The following PRKACA variants were observed in gnomAD, a reference collection of about 807,000 sequenced individuals.
PRKACA encodes the protein cAMP-dependent protein kinase catalytic subunit alpha.
PRKACA carries 9 observed loss-of-function variants against 45.8 expected under a neutral mutation model. The observed-to-expected ratio is 0.20, with a 90% CI of 0.12 to 0.34. PRKACA has a LOEUF of 0.34. Among genes scored for constraint, PRKACA ranks in the 10% least tolerant of loss-of-function variants. The pLI, the probability that PRKACA is intolerant of heterozygous loss-of-function variation, is 1.00. For missense variants in PRKACA, 238 were observed against 458.6 expected (o/e 0.52, Z 4.39); for synonymous variants, 160 against 178.6 (o/e 0.90, Z 0.83).
rs757565596 is a variant in PRKACA at position 14,106,798 on chromosome 19, C to G, written c.199G>C (p.Gly67Arg). ...AGGATCTTCATGGCATAGTGGTTCCCGGTCTCCTTGTGTTTCACCAGCATC... is the reference window on the plus strand; with the variant it reads ...AGGATCTTCATGGCATAGTGGTTCCGGGTCTCCTTGTGTTTCACCAGCATC... Reference protein sequence around the residue: ...RVMLVKHKETGNHYAMKILDK... With the variant: ...RVMLVKHKETRNHYAMKILDK... The change falls in exon 3 of 10, where the codon GGG becomes CGG. Residue 67 changes from glycine (G) to arginine (R), a missense_variant. Physicochemically the swap from Gly to Arg is moderately radical, Grantham distance 125. Coordinates refer to ENST00000308677, the MANE Select transcript of PRKACA (RefSeq NM_002730.4). 159 of 1,614,076 alleles carry G rather than the reference C, an allele frequency of 9.9e-5. No homozygotes were observed. The highest frequency in any genetic ancestry group is 1.3e-4 in the Non-Finnish European group (152 of 1,180,034).
intron 1 of PRKACA, chr19:14,114,319 TG>T: frequency 1.1e-5 from 10 of 873,300 alleles, no homozygotes; most frequent in Non-Finnish European, 1.8e-5. Flanking sequence ...GGCCACTGGG[TG>T]TGGAGGAGGG....
chr19:14,099,442 C>CTT (rs879512820), intron 5 of PRKACA, among the ~76,000 whole-genome samples: 1 of 143,052 alleles, frequency 7.0e-6, no homozygotes. Context: ...CTTATGCAGT[C>CTT]TTTTTTTTTT....
intron 1 of PRKACA, chr19:14,108,214 C>G: frequency 2.1e-6 from 2 of 941,120 alleles, no homozygotes; most frequent in Non-Finnish European, 2.5e-6. Context: ...AGCCTGGTCT[C>G]TGATGAACTC....
At chr19:14,094,241 T>G (rs1467909320) in intron 8 of PRKACA, among the ~76,000 whole-genome samples, 3 of 140,696 alleles carry the variant, frequency 2.1e-5, no homozygotes, top group Non-Finnish European at 4.5e-5. Context: ...CAGGCTGGAG[T>G]GCAGTGGTGC....
rs760352897 is a variant in PRKACA at position 14,097,287 on chromosome 19, C to G, written c.765+74G>C. On this transcript the variant is annotated intron_variant, in intron 8 of 9. Coordinates refer to ENST00000308677, the MANE Select transcript of PRKACA (RefSeq NM_002730.4). The surrounding 1 kb of genome is among the most constrained non-coding windows in gnomAD (Gnocchi z 5.4). ...GATTATTCTGACAACAAGCAGGGCTCCCCAGGGAATAGGATGGGTGAGCAG... is the reference window on the plus strand; with the variant it reads ...GATTATTCTGACAACAAGCAGGGCTGCCCAGGGAATAGGATGGGTGAGCAG... The G allele has an allele frequency of 7.5e-6, 12 of 1,605,036 alleles. No individual in the cohort carries two copies. Among genetic ancestry groups the G allele is most frequent in the Non-Finnish European group, 1.7e-6 (2 of 1,173,206 alleles).
chr19:14,117,057 C>T (rs1279084589), intron 1 of PRKACA, among the ~76,000 whole-genome samples: 1 of 151,812 alleles, frequency 6.6e-6, no homozygotes, highest in Non-Finnish European at 1.5e-5. Context: ...GGCCAAGGTC[C>T]CTGCGCGGTG....
At position 14,092,744 on chromosome 19, in the gene PRKACA, A is replaced by C; in HGVS notation, c.*368T>G. On this transcript the variant is annotated 3_prime_UTR_variant, in exon 10 of 10. Coordinates refer to ENST00000308677, the MANE Select transcript of PRKACA (RefSeq NM_002730.4). ...TGGGTGGGGGCTGGAGTTAAGCGTG[A>C]GCCCCTCTTTCCATACCCTGTCCCT... is the stretch of plus-strand genomic sequence containing the variant. 2.4e-6 allele frequency: 1 copy of C among 409,340 alleles called. No individual in the cohort carries two copies. The allele number at this position is 409,340 out of a possible 1,614,324, so 25.4% of individuals were successfully genotyped here. A position where few individuals can be genotyped will look rare whatever the true frequency, so the allele number is the denominator to read the frequency against.
chr19:14,104,770 G>A (rs1977555890), intron 3 of PRKACA, among the ~76,000 whole-genome samples: 1 of 152,000 alleles, frequency 6.6e-6, no homozygotes, highest in South Asian at 2.1e-4. Context: ...CTACTCAGGA[G>A]GCTGGAGCAC....
intron 1 of PRKACA, chr19:14,114,101 G>T: frequency 6.2e-7 from 1 of 1,604,158 alleles, no homozygotes; most frequent in Non-Finnish European, 8.5e-7. Flanking sequence ...AGTGTGCCTA[G>T]GAAGTTGCTA....
intron 8 of PRKACA, among the ~76,000 whole-genome samples, chr19:14,095,223 T>C (rs1178355863): frequency 6.6e-6 from 1 of 151,284 alleles, no homozygotes; most frequent in Admixed American, 6.6e-5. Flanking sequence ...CAGGCTGGAG[T>C]GCAGTGGCAC....
chr19:14,099,776 T>A (rs1394664427), intron 5 of PRKACA, among the ~76,000 whole-genome samples: 1 of 151,326 alleles, frequency 6.6e-6, no homozygotes, highest in Non-Finnish European at 1.5e-5. Flanking sequence ...ATTTTATGTA[T>A]AAAAATATAT....
intron 3 of PRKACA, among the ~76,000 whole-genome samples, chr19:14,104,599 G>A (rs1162577911): frequency 6.6e-5 from 10 of 151,332 alleles, no homozygotes; most frequent in African/African-American, 2.4e-4. Flanking sequence ...AGGAGGCTGA[G>A]GCAGAAGAAT....
intron 4 of PRKACA, chr19:14,101,182 A>T (rs1419783335): frequency 2.5e-6 from 1 of 401,146 alleles, no homozygotes; most frequent in East Asian, 4.5e-5. Flanking sequence ...TAAGGCTCTG[A>T]GGCCACAGTT....
intron 1 of PRKACA, among the ~76,000 whole-genome samples, chr19:14,116,552 C>CA (rs1967109200): frequency 1.3e-5 from 2 of 152,114 alleles, no homozygotes; most frequent in East Asian, 3.9e-4. Flanking sequence ...GAAGAAGCCC[C>CA]AGGGACTGGG....
At chr19:14,096,767 TTCC>T (rs1412139682) in intron 8 of PRKACA, 4 of 174,746 alleles carry the variant, frequency 2.3e-5, no homozygotes, top group Admixed American at 2.2e-4. Flanking sequence ...CCCAGCCTGT[TTCC>T]TCACCTCTCC....
At chr19:14,114,211 A>T in intron 1 of PRKACA, 1 of 1,586,868 alleles carries the variant, frequency 6.3e-7, no homozygotes. Flanking sequence ...GGCTCATGAG[A>T]CCTGCCGTGT....
At chr19:14,111,334 T>C (rs1223815225) in intron 1 of PRKACA, among the ~76,000 whole-genome samples, 1 of 151,338 alleles carries the variant, frequency 6.6e-6, no homozygotes, top group African/African-American at 2.4e-5. Context: ...GAGGCAGAGG[T>C]TGCAGTGGGC....
chr19:14,106,036 G>A (rs1205394179), intron 3 of PRKACA, among the ~76,000 whole-genome samples: 1 of 152,052 alleles, frequency 6.6e-6, no homozygotes, highest in African/African-American at 2.4e-5. Context: ...CCCTGGGGCT[G>A]GCACATTATG....
At chr19:14,114,181 G>C (rs370452277) in intron 1 of PRKACA, 19 of 1,608,570 alleles carry the variant, frequency 1.2e-5, no homozygotes, top group African/African-American at 2.7e-5. Flanking sequence ...TCAGGGCACC[G>C]GCACTACGGT....
Sources: gnomAD v4.1 joint callset for allele counts (sites outside exome capture counted in the v4.1 genomes callset) on GRCh38, gnomAD v4.1.1 for gene constraint, Gnocchi (gnomAD v3.1) non-coding constraint, MANE v1.5 for transcripts, NCBI Gene and HGNC (gene_info 2026-07-23, HGNC 2026-07-21) for gene names.